The following ZNF28 variants were observed in gnomAD, a reference collection of about 807,000 sequenced individuals.
ZNF28 encodes zinc finger protein KOX24.
In ZNF28, 5 loss-of-function variants were observed where a neutral mutation model predicts 7.2. The observed-to-expected ratio is 0.70, with a 90% CI of 0.36 to 1.46. ZNF28 has a LOEUF of 1.46. Ranked by LOEUF, ZNF28 falls within the 40% of genes most tolerant of loss-of-function variation. ZNF28 has a pLI of 0.03. For missense variants in ZNF28, 879 were observed against 866.6 expected (o/e 1.01, Z -0.18); for synonymous variants, 288 against 292.4 (o/e 0.99, Z 0.15).
At chr19:52,810,415 T>C (rs2063004247) in intron 2 of ZNF28, 20 of 1,604,122 alleles carry the variant, frequency 1.2e-5, no homozygotes, top group Non-Finnish European at 1.5e-5. Flanking sequence ...TGTGACAAAT[T>C]TAGTGGCCAT....
chr19:52,809,904 C>T, intron 2 of ZNF28: 1 of 827,740 alleles, frequency 1.2e-6, no homozygotes, highest in South Asian at 1.4e-5. Flanking sequence ...GCGGCGCCAT[C>T]TTGTGCCCGG....
rs543655834 is a variant in ZNF28 at position 52,815,562 on chromosome 19, C to A, written c.15+2382G>T. On this transcript the variant is annotated intron_variant, in intron 2 of 3. Transcript: ENST00000457749. ...ATAACTGTCTGGGCGTGGTGGCTCA[C>A]GCCTGTAATCCCAGCACTTTGGGAG... Among the ~76,000 whole-genome samples the A allele has an allele frequency of 3.4e-5, 5 of 146,412 alleles. No individual in the cohort carries two copies. In the South Asian group the frequency reaches 1.1e-3, roughly 33 times the overall value.
rs1159635810 is a variant in ZNF28 at position 52,811,455 on chromosome 19, C to G, written c.16-3322G>C. 6.1e-5 allele frequency among the ~76,000 whole-genome samples: 9 copies of G among 148,520 alleles called. No individual in the cohort carries two copies. The South Asian group carries it at 8.5e-4, about 14-fold the overall frequency. On this transcript the variant is annotated intron_variant, in intron 2 of 3. Coordinates refer to ENST00000457749, the MANE Select transcript of ZNF28 (RefSeq NM_006969.5). The stretch of plus-strand genomic sequence containing the variant: ...CCCATCTAGGAAGCGAGGAGCGCCT[C>G]TTCCCCGCCGCCATCCCATCTAGGA...
chr19:52,808,895 ACCTAGAG>A lies in ZNF28; in HGVS notation c.16-769_16-763del, dbSNP rs2062973970. ...TTCTAAATTTTCACAAAATAATAAA[ACCTAGAG>A]ACTCACAAAACACTAGATGTGAATA... On this transcript the variant is annotated intron_variant, in intron 2 of 3. Transcript: ENST00000457749. Among the ~76,000 whole-genome samples, 4 of 152,096 alleles carry A rather than the reference ACCTAGAG, an allele frequency of 2.6e-5. No individual in the cohort carries two copies. The South Asian group carries it at 8.3e-4, about 32-fold the overall frequency.
At chr19:52,810,576 G>A (rs1186014765) in intron 2 of ZNF28, 32 of 1,591,316 alleles carry the variant, frequency 2.0e-5, no homozygotes, top group African/African-American at 5.4e-5. Context: ...GGTCTTCCAC[G>A]AGCCCGCTAC....
chr19:52,800,389 T>A lies in ZNF28; in HGVS notation c.1456A>T (p.Arg486Trp). ...GGTTTCTCTCCAGTATGAATCCTCC[T>A]ATGTCTTTCAAGGTGTGATTTGCAC... ...FRCKSHLERHRRIHTGEKPYK... is the reference protein window; with the variant it reads ...FRCKSHLERHWRIHTGEKPYK... The change falls in exon 4 of 4, where the codon AGG (arginine) becomes TGG (tryptophan). Residue 486 changes from arginine to tryptophan, a missense_variant. By Grantham distance (101) the Arg-to-Trp change is moderately radical. Around this residue, in one of 2 missense-constraint regions of ZNF28, gnomAD observed 864 missense variants for 830.2 expected, o/e 1.04. Transcript: ENST00000457749. The A allele has an allele frequency of 6.2e-7, 1 of 1,613,978 alleles. No individual in the cohort carries two copies. Among genetic ancestry groups the A allele is most frequent in the Non-Finnish European group, 8.5e-7 (1 of 1,179,864 alleles).
intron 2 of ZNF28, chr19:52,809,958 G>A: frequency 1.2e-6 from 1 of 817,154 alleles, no homozygotes; most frequent in South Asian, 1.4e-5. Flanking sequence ...GGGCGCAGGG[G>A]ACGATGGGAA....
Position 52,799,341 on chromosome 19 carries a change from A to G in ZNF28, c.*347T>C. On this transcript the variant is annotated 3_prime_UTR_variant, in exon 4 of 4. Transcript: ENST00000457749. Reference sequence around the variant, plus strand: ...ATTATATTCAAAAATCTTGTCATAAACCTTACATCTGTGTGGTTTCTCTTC... The same window carrying G: ...ATTATATTCAAAAATCTTGTCATAAGCCTTACATCTGTGTGGTTTCTCTTC... 2.0e-6 allele frequency: 1 copy of G among 491,692 alleles called. No homozygotes were observed. 30.5% of individuals were successfully genotyped at this position (491,692 alleles called of 1,614,324 possible).
rs149291630 is a variant in ZNF28, at chr19:52,816,345, C to T, written c.15+1599G>A. Among the ~76,000 whole-genome samples, 734 of 146,190 alleles carry T rather than the reference C, an allele frequency of 5.0e-3. 120 individuals are homozygous for T. Among genetic ancestry groups the T allele is most frequent in the African/African-American group, 0.019 (712 of 37,582 alleles). On this transcript the variant is annotated intron_variant, in intron 2 of 3. Coordinates refer to ENST00000457749, the MANE Select transcript of ZNF28 (RefSeq NM_006969.5). ...GCCAGCCTGGCCAACATGGTGAAAC[C>T]CTGTTTCTACTAAAAATACAAAAAA... is the stretch of plus-strand genomic sequence containing the variant.
rs375182628 is a variant in ZNF28, at chr19:52,819,553, C to G, written c.-73-1522G>C. Among the ~76,000 whole-genome samples, 10 of 74,840 alleles carry G rather than the reference C, an allele frequency of 1.3e-4. 4 individuals carry two copies. Among genetic ancestry groups the G allele is most frequent in the African/African-American group, 2.5e-4 (5 of 20,268 alleles). The allele number at this position is 74,840 out of a possible 152,430, so 49.1% of individuals were successfully genotyped here. ...GTCACTCGGGTTGAGCTTTTCTGGT[C>G]TAGCCCCTCATCTCCAAGTTGCAGG... On this transcript the variant is annotated intron_variant, in intron 1 of 3. Coordinates refer to ENST00000457749, the MANE Select transcript of ZNF28 (RefSeq NM_006969.5).
rs71183837 is a variant in ZNF28, at chr19:52,813,249, G to GAAAAAAAAAAAAAAAAAAAA, written c.15+4675_15+4694dup. Among the ~76,000 whole-genome samples, 12 of 62,988 alleles carry GAAAAAAAAAAAAAAAAAAAA rather than the reference G, an allele frequency of 1.9e-4. 3 individuals are homozygous for GAAAAAAAAAAAAAAAAAAAA. The highest frequency in any genetic ancestry group is 2.8e-4 in the Non-Finnish European group (10 of 36,280). 41.3% of individuals were successfully genotyped at this position (62,988 alleles called of 152,430 possible). A position where few individuals can be genotyped will look rare whatever the true frequency, so the allele number is the denominator to read the frequency against. On this transcript the variant is annotated intron_variant, in intron 2 of 3. Transcript: ENST00000457749. ...TATGAAGATTAAAAACTTGAATGGT[G>GAAAAAAAAAAAAAAAAAAAA]AAAAAAAAAAAAAAAAAAAAAAGAC...
rs1485023057 is a variant in ZNF28, at chr19:52,798,813, T to C, written c.*875A>G. ...ATTCTCCAATGATTTGCAATGGTTG[T>C]AGCATTACTGAAAACTTTGTGACAA... is the stretch of plus-strand genomic sequence containing the variant. On this transcript the variant is annotated 3_prime_UTR_variant, in exon 4 of 4. Coordinates refer to ENST00000457749, the MANE Select transcript of ZNF28 (RefSeq NM_006969.5). 1.2e-5 allele frequency: 10 copies of C among 849,492 alleles called. No homozygotes were observed. Among genetic ancestry groups the C allele is most frequent in the Admixed American group, 5.7e-5 (3 of 52,790 alleles). 52.6% of individuals were successfully genotyped at this position (849,492 alleles called of 1,614,324 possible). A position where few individuals can be genotyped will look rare whatever the true frequency, so the allele number is the denominator to read the frequency against.
chr19:52,810,260 T>A, intron 2 of ZNF28: 1 of 1,350,156 alleles, frequency 7.4e-7, no homozygotes, highest in East Asian at 2.3e-5. Context: ...CAGGCAATGC[T>A]GGCCCAGTGA....
At chr19:52,818,136 C>G in intron 1 of ZNF28, 105 bp from the exon 2 acceptor site, 1 of 1,186,536 alleles carries the variant, frequency 8.4e-7, no homozygotes, top group South Asian at 1.6e-5. Flanking sequence ...AATATGGTCC[C>G]CTATGCTGCC....
intron 2 of ZNF28, among the ~76,000 whole-genome samples, chr19:52,810,930 C>T (rs2063023948): frequency 8.0e-6 from 1 of 124,694 alleles, no homozygotes; most frequent in Admixed American, 8.4e-5. Flanking sequence ...CAGTCTCCCT[C>T]TGATGCCGAG....
At chr19:52,806,466 T>G (rs1363398593) in intron 3 of ZNF28, among the ~76,000 whole-genome samples, 1 of 152,100 alleles carries the variant, frequency 6.6e-6, no homozygotes, top group Non-Finnish European at 1.5e-5. Context: ...AGTGCTGGGA[T>G]TACAGGTGTC....
Position 52,801,407 on chromosome 19 carries a change from C to A in ZNF28, c.438G>T (p.Ser146=). ...GAAATATGTGCAGTTCAGGCAGATG[C>A]GAATGAAAGCTTAATCCAAGCTGAT... is the stretch of plus-strand genomic sequence containing the variant. ...IKDQLGLSFH[S]HLPELHIFQP... Residue 146 remains serine (S), a synonymous_variant, in exon 4 of 4, where the codon TCG becomes TCT. Transcript: ENST00000457749. The A allele has an allele frequency of 1.2e-6, 2 of 1,614,162 alleles. No homozygotes were observed. The highest frequency in any genetic ancestry group is 1.7e-6 in the Non-Finnish European group (2 of 1,180,038).
chr19:52,803,317 A>G (rs966649), intron 3 of ZNF28, among the ~76,000 whole-genome samples: 134,127 of 151,960 alleles, frequency 0.88, 59,413 homozygotes, highest in East Asian at 0.91. Context: ...CTGACCTCAG[A>G]TGATCCACAC....
chr19:52,813,593 C>A (rs561355775), intron 2 of ZNF28, among the ~76,000 whole-genome samples: 2 of 145,938 alleles, frequency 1.4e-5, no homozygotes, highest in Non-Finnish European at 3.0e-5. Flanking sequence ...CCTGCCTGCT[C>A]CTGTCCCTCC....
Sources: allele counts gnomAD v4.1 joint callset (sites outside exome capture counted in the v4.1 genomes callset), GRCh38; gene constraint gnomAD v4.1.1; regional missense constraint gnomAD v4.1.1; transcripts MANE v1.5; gene names NCBI Gene and HGNC (gene_info 2026-07-23, HGNC 2026-07-21).